Variants in STX3 observed in about 807,000 individuals in gnomAD.
STX3 encodes the protein syntaxin-3.
Under a neutral mutation model 40.2 loss-of-function variants are expected in STX3, and 19 were observed. That is an observed-to-expected ratio of 0.47 (90% CI 0.33 to 0.69). The LOEUF is 0.69. Among genes scored for constraint, STX3 ranks in the 30% least tolerant of loss-of-function variants. The pLI is 0.02. For synonymous variants in STX3, 122 were observed against 132.2 expected, an observed-to-expected ratio of 0.92 and a Z score of 0.53; for missense variants, 364 against 366.7, an observed-to-expected ratio of 0.99 and a Z score of 0.06.
intron 3 of STX3, among the ~76,000 whole-genome samples, 177 bp from the exon 4 acceptor site, chr11:59,788,695 TA>T (rs1239938208): frequency 6.6e-6 from 1 of 152,000 alleles, no homozygotes; most frequent in Non-Finnish European, 1.5e-5. Context: ...AAAATGCCTT[TA>T]AAAAAATAAG....
intron 10 of STX3, among the ~76,000 whole-genome samples, chr11:59,797,933 C>T (rs1443892189): frequency 6.6e-6 from 1 of 152,136 alleles, no homozygotes; most frequent in African/African-American, 2.4e-5. Flanking sequence ...TACTAAACAC[C>T]TTATACACAT....
At chr11:59,798,408 A>G (rs1026320245) in intron 10 of STX3, among the ~76,000 whole-genome samples, 3 of 152,080 alleles carry the variant, frequency 2.0e-5, no homozygotes, top group Non-Finnish European at 4.4e-5. Flanking sequence ...GGGTTTTGCC[A>G]TGTTGGCCAG....
intron 1 of STX3, 66 bp from the exon 2 acceptor site, chr11:59,773,145 A>C (rs1863754090): frequency 1.4e-6 from 2 of 1,474,836 alleles, no homozygotes; most frequent in South Asian, 2.3e-5. Context: ...GTACTTCGTG[A>C]GCATTCAATA....
Position 59,773,111 on chromosome 11 carries a change from G to T in STX3, c.31-100G>T, listed in dbSNP as rs935712503. On this transcript the variant is annotated intron_variant, in intron 1 of 10. Transcript: ENST00000337979. ...TTATGAGTTTTAAAGGAAATTATGT[G>T]TAAAATGCTGAATATAGTTCCTAGT... 1.3e-5 allele frequency: 15 copies of T among 1,164,208 alleles called. No homozygotes were observed. In the African/African-American group the frequency reaches 2.2e-4, roughly 17 times the overall value. The allele number at this position is 1,164,208 out of a possible 1,614,324, so 72.1% of individuals were successfully genotyped here. A position where few individuals can be genotyped will look rare whatever the true frequency, so the allele number is the denominator to read the frequency against.
At chr11:59,756,012 C>T (rs1223594765) in intron 1 of STX3, among the ~76,000 whole-genome samples, 1 of 152,236 alleles carries the variant, frequency 6.6e-6, no homozygotes, top group African/African-American at 2.4e-5. Context: ...TCCTGTTTCT[C>T]TCCTGAGGTG....
chr11:59,771,399 C>A (rs1863624571), intron 1 of STX3, among the ~76,000 whole-genome samples: 1 of 119,542 alleles, frequency 8.4e-6, no homozygotes, highest in Admixed American at 8.4e-5. Flanking sequence ...CCCGTCCCCC[C>A]ACCTCCCCCC....
In STX3 at chr11:59,797,381, G is replaced by A. The variant is rs376104800; in HGVS notation, c.*15G>A. On this transcript the variant is annotated 3_prime_UTR_variant, in exon 10 of 11. Transcript: ENST00000337979. ...GGCTGAATTAAGAGTGGCCTAAGAG[G>A]CTGCTGCACTGAAATGTAAGTAAAC... is the stretch of plus-strand genomic sequence containing the variant. The A allele has an allele frequency of 1.5e-5, 25 of 1,613,638 alleles. No homozygotes were observed. The highest frequency in any genetic ancestry group is 1.6e-4 in the Middle Eastern group (1 of 6,082).
At chr11:59,781,742 G>C in intron 2 of STX3, 5 of 1,572,108 alleles carry the variant, frequency 3.2e-6, no homozygotes, top group Middle Eastern at 4.1e-4. Flanking sequence ...GCGGGCTGGC[G>C]TGCAGAGAGC....
intron 2 of STX3, among the ~76,000 whole-genome samples, chr11:59,783,815 C>T (rs1001127344): frequency 6.6e-6 from 1 of 152,202 alleles, no homozygotes; most frequent in Non-Finnish European, 1.5e-5. Flanking sequence ...TGGTTGGCCA[C>T]TTGCCCATCC....
chr11:59,798,261 G>A (rs1203481044), intron 10 of STX3, among the ~76,000 whole-genome samples: 1 of 150,930 alleles, frequency 6.6e-6, no homozygotes, highest in African/African-American at 2.4e-5. Flanking sequence ...AGCCTGGGGT[G>A]CAGTGGCATG....
rs1462963995 is a variant in STX3 at position 59,805,001 on chromosome 11, AC to A, written c.*4182del. ...TCACCAGACTGACCAACATAGTGAAACCCCCTCTCTACAAAAAATACAAAAA... is the reference window on the plus strand; with the variant it reads ...TCACCAGACTGACCAACATAGTGAAACCCCTCTCTACAAAAAATACAAAAA... On this transcript the variant is annotated 3_prime_UTR_variant, in exon 11 of 11. Coordinates refer to ENST00000337979, the MANE Select transcript of STX3 (RefSeq NM_004177.5). The A allele has an allele frequency of 6.6e-6, 1 of 152,106 alleles. No individual in the cohort carries two copies. Among genetic ancestry groups the A allele is most frequent in the African/African-American group, 2.4e-5 (1 of 41,398 alleles). 9.4% of individuals were successfully genotyped at this position (152,106 alleles called of 1,614,324 possible). A position where few individuals can be genotyped will look rare whatever the true frequency, so the allele number is the denominator to read the frequency against.
In STX3 at chr11:59,800,920, C is replaced by A. The variant is rs1436081983; in HGVS notation, c.*96C>A. ...TCAGATGAGAATGGAGTCTGAATGG[C>A]CTTCCTGAGAGCGAGTGCGACCCGT... On this transcript the variant is annotated 3_prime_UTR_variant, in exon 11 of 11. Transcript: ENST00000337979. The A allele has an allele frequency of 2.0e-6, 3 of 1,536,130 alleles. No individual in the cohort carries two copies. Among genetic ancestry groups the A allele is most frequent in the African/African-American group, 2.7e-5 (2 of 73,030 alleles).
intron 1 of STX3, among the ~76,000 whole-genome samples, chr11:59,770,724 A>C (rs766063174): frequency 6.6e-5 from 10 of 152,194 alleles, no homozygotes; most frequent in African/African-American, 2.2e-4. Flanking sequence ...GCCTGGTTAC[A>C]GGGTGAGCGC....
intron 8 of STX3, among the ~76,000 whole-genome samples, chr11:59,793,867 G>A (rs900792825): frequency 8.0e-5 from 12 of 150,540 alleles, no homozygotes; most frequent in East Asian, 5.9e-4. Flanking sequence ...GTGCAGTGGC[G>A]TGATCACAGC....
intron 9 of STX3, 154 bp downstream of exon 9, chr11:59,795,636 A>G: frequency 6.5e-7 from 1 of 1,538,754 alleles, no homozygotes. Flanking sequence ...AACAACATGG[A>G]CCAGTCAGTG....
rs1055680567 is a variant in STX3, at chr11:59,802,064, T to C, written c.*1240T>C. 2.0e-6 allele frequency: 2 copies of C among 985,482 alleles called. No individual in the cohort carries two copies. Among genetic ancestry groups the C allele is most frequent in the Non-Finnish European group, 2.4e-6 (2 of 829,950 alleles). The allele number at this position is 985,482 out of a possible 1,614,324, so 61.0% of individuals were successfully genotyped here. On this transcript the variant is annotated 3_prime_UTR_variant, in exon 11 of 11. Transcript: ENST00000337979. Reference sequence around the variant, plus strand: ...ACCCTTTCCCACCTGGTGCCTATGCTAGGCTTGTCCTGAGAACATCCCTCA... The same window carrying C: ...ACCCTTTCCCACCTGGTGCCTATGCCAGGCTTGTCCTGAGAACATCCCTCA...
intron 1 of STX3, among the ~76,000 whole-genome samples, chr11:59,769,012 C>A (rs540291354): frequency 5.6e-4 from 85 of 152,064 alleles, no homozygotes; most frequent in African/African-American, 2.0e-3. Context: ...TACATTGTAT[C>A]CATTAAGTAA....
Position 59,755,591 on chromosome 11 carries a change from CG to C in STX3, c.-14del. The C allele has an allele frequency of 6.3e-7, 1 of 1,593,194 alleles. No homozygotes were observed. Among genetic ancestry groups the C allele is most frequent in the Non-Finnish European group, 8.5e-7 (1 of 1,176,236 alleles). On this transcript the variant is annotated 5_prime_UTR_variant, in exon 1 of 11. Transcript: ENST00000337979. Reference sequence around the variant, plus strand: ...CTGGGACGCGCTACCTGCCTCCGGGCGCCTGGGCTTCAGGATGAAGGACCGT... The same window carrying C: ...CTGGGACGCGCTACCTGCCTCCGGGCCCTGGGCTTCAGGATGAAGGACCGT...
rs555339917 is a variant in STX3, at chr11:59,800,816, C to G, written c.*31-39C>G. On this transcript the variant is annotated intron_variant, in intron 10 of 10. Coordinates refer to ENST00000337979, the MANE Select transcript of STX3 (RefSeq NM_004177.5). Reference sequence around the variant, plus strand: ...TCCTTCTGTTGCCCTTTGCCTTCTTCCTGTGTACTGATCAGCTCCTCCTTT... The same window carrying G: ...TCCTTCTGTTGCCCTTTGCCTTCTTGCTGTGTACTGATCAGCTCCTCCTTT... The G allele has an allele frequency of 2.1e-4, 320 of 1,536,364 alleles. 4 individuals are homozygous for G. The South Asian group carries it at 3.5e-3, about 17-fold the overall frequency.
Sources: gnomAD v4.1 joint callset for allele counts (sites outside exome capture counted in the v4.1 genomes callset) on GRCh38, gnomAD v4.1.1 for gene constraint, MANE v1.5 for transcripts, NCBI Gene and HGNC (gene_info 2026-07-23, HGNC 2026-07-21) for gene names.